NBEA: variants seen among roughly 807,000 people sequenced by gnomAD.
NBEA encodes the protein lysosomal-trafficking regulator 2.
Under a neutral mutation model 343.4 loss-of-function variants are expected in NBEA, and 44 were observed. That is an observed-to-expected ratio of 0.13 (90% confidence interval 0.10 to 0.16). The LOEUF (loss-of-function observed/expected upper bound fraction) is 0.16. NBEA is among the 10% of genes least tolerant of loss of function. The pLI is 1.00. For missense variants in NBEA, 2,555 were observed against 3,631.3 expected, an observed-to-expected ratio of 0.70 and a Z score of 7.62; for synonymous variants, 1,175 against 1,238.7, an observed-to-expected ratio of 0.95 and a Z score of 1.08.
At chr13:35,482,317 A>G (rs1007749885) in intron 41 of NBEA, among the ~76,000 whole-genome samples, 6 of 151,532 alleles carry the variant, frequency 4.0e-5, no homozygotes, top group African/African-American at 1.2e-4. Context: ...AATTTTCTTT[A>G]TATCTTTACA....
chr13:35,281,638 A>G (rs2152811561), intron 34 of NBEA, among the ~76,000 whole-genome samples: 1 of 152,268 alleles, frequency 6.6e-6, no homozygotes, highest in Middle Eastern at 3.4e-3. Flanking sequence ...GAAGAGTGAT[A>G]CATAGCATTT....
chr13:35,632,139 T>C (rs1242182838), intron 49 of NBEA, among the ~76,000 whole-genome samples: 2 of 152,228 alleles, frequency 1.3e-5, no homozygotes, highest in Admixed American at 1.3e-4. Flanking sequence ...TTTTCAAGCA[T>C]TATAAAGAAT....
chr13:35,371,638 A>G (rs1222982013), intron 38 of NBEA, among the ~76,000 whole-genome samples: 3 of 152,078 alleles, frequency 2.0e-5, no homozygotes, highest in South Asian at 2.1e-4. Context: ...CTGCTAGACC[A>G]TAATTTTGTT....
chr13:35,089,976 G>C (rs1395746017), intron 10 of NBEA, among the ~76,000 whole-genome samples: 1 of 149,170 alleles, frequency 6.7e-6, no homozygotes, highest in African/African-American at 2.5e-5. Flanking sequence ...CGAGTTAGTG[G>C]GTGCAGCGCA....
chr13:35,388,598 AG>A (rs1292913863), intron 38 of NBEA, among the ~76,000 whole-genome samples: 2 of 152,162 alleles, frequency 1.3e-5, no homozygotes, highest in Non-Finnish European at 2.9e-5. Flanking sequence ...CTTTTAGTTA[AG>A]TAATGTTATT....
At chr13:35,148,120 C>G (rs61947431) in intron 18 of NBEA, among the ~76,000 whole-genome samples, 3 of 151,980 alleles carry the variant, frequency 2.0e-5, no homozygotes, top group Non-Finnish European at 4.4e-5. Context: ...GGACCTTGAC[C>G]CCAGCTGGTG....
At chr13:35,154,556 A>G (rs542964684) in intron 18 of NBEA, among the ~76,000 whole-genome samples, 1 of 152,214 alleles carries the variant, frequency 6.6e-6, no homozygotes, top group Admixed American at 6.5e-5. Flanking sequence ...TACATTATTG[A>G]TATATAATTA....
chr13:35,604,770 T>A (rs870479), intron 47 of NBEA, among the ~76,000 whole-genome samples: 33,312 of 151,870 alleles, frequency 0.22, 3,904 homozygotes, highest in East Asian at 0.35. Context: ...CCTCTTGTGC[T>A]CAGTTTCTCA....
chr13:35,427,101 G>T (rs78474515), intron 38 of NBEA, among the ~76,000 whole-genome samples: 1 of 152,096 alleles, frequency 6.6e-6, no homozygotes, highest in East Asian at 1.9e-4. Context: ...GCTCAGAGTA[G>T]TTTGATCATC....
chr13:35,183,856 T>G, intron 29 of NBEA, 120 bp from the exon 30 acceptor site: 1 of 598,576 alleles, frequency 1.7e-6, no homozygotes, highest in Non-Finnish European at 2.9e-6. Context: ...AGAGATGCAT[T>G]CGTTATTGCT....
chr13:35,476,740 C>T, intron 41 of NBEA: 8 of 1,058,700 alleles, frequency 7.6e-6, no homozygotes, highest in Non-Finnish European at 9.3e-6. Flanking sequence ...GCCAGGCAGG[C>T]GGGCGGCCAA....
chr13:35,470,210 T>C (rs1456967227), intron 40 of NBEA, among the ~76,000 whole-genome samples: 2 of 152,156 alleles, frequency 1.3e-5, no homozygotes, highest in Non-Finnish European at 1.5e-5. Context: ...CCAGAAAATC[T>C]CCTCAACAGA....
At chr13:34,961,972 A>G (rs2059674616) in intron 1 of NBEA, among the ~76,000 whole-genome samples, 1 of 152,062 alleles carries the variant, frequency 6.6e-6, no homozygotes, top group Non-Finnish European at 1.5e-5. Flanking sequence ...AAAATATCTC[A>G]ATAATTTCAT....
intron 33 of NBEA, among the ~76,000 whole-genome samples, chr13:35,232,258 C>G (rs143197159): frequency 6.6e-6 from 1 of 152,264 alleles, no homozygotes; most frequent in Non-Finnish European, 1.5e-5. Flanking sequence ...TTTCGGGTGG[C>G]ATAACCCCAA....
intron 45 of NBEA, among the ~76,000 whole-genome samples, chr13:35,577,501 A>G (rs995635630): frequency 1.3e-5 from 2 of 152,054 alleles, no homozygotes; most frequent in Admixed American, 1.3e-4. Flanking sequence ...CATTTATTTA[A>G]TTAGATTGTT....
intron 49 of NBEA, among the ~76,000 whole-genome samples, chr13:35,639,917 C>T (rs1232883230): frequency 2.8e-5 from 4 of 141,302 alleles, no homozygotes; most frequent in East Asian, 2.1e-4. Context: ...GTAGACCTGA[C>T]GGCATTTCAT....
At chr13:35,298,020 A>G (rs1368742242) in intron 35 of NBEA, among the ~76,000 whole-genome samples, 1 of 151,674 alleles carries the variant, frequency 6.6e-6, no homozygotes, top group Non-Finnish European at 1.5e-5. Context: ...CTTAACTACT[A>G]ATAGCTCAGT....
chr13:35,188,084 G>T (rs554827134), intron 30 of NBEA, among the ~76,000 whole-genome samples: 1 of 151,494 alleles, frequency 6.6e-6, no homozygotes, highest in East Asian at 1.9e-4. Flanking sequence ...CTTCTATTCA[G>T]TGCTTTGTTT....
intron 18 of NBEA, among the ~76,000 whole-genome samples, chr13:35,149,787 G>T (rs2068657702): frequency 6.6e-6 from 1 of 152,128 alleles, no homozygotes; most frequent in African/African-American, 2.4e-5. Flanking sequence ...TATATTGAGT[G>T]TAGCATAATA....
Sources: gnomAD v4.1 joint callset for allele counts (sites outside exome capture counted in the v4.1 genomes callset) on GRCh38, gnomAD v4.1.1 for gene constraint, MANE v1.5 for transcripts, NCBI Gene and HGNC (gene_info 2026-07-23, HGNC 2026-07-21) for gene names.